FAM114A1: variants seen among roughly 807,000 people sequenced by gnomAD.
The protein encoded by FAM114A1 is protein NOXP20.
In FAM114A1, 62 loss-of-function variants were observed where a neutral mutation model predicts 64.3. That is an observed-to-expected ratio of 0.96 (90% CI 0.79 to 1.19). FAM114A1 has a LOEUF of 1.19. Ranked by LOEUF, FAM114A1 falls within the 50% of genes most tolerant of loss-of-function variation. The pLI, the probability that FAM114A1 is intolerant of heterozygous loss-of-function variation, is 0.00. For synonymous variants in FAM114A1, 254 were observed against 251.1 expected, an observed-to-expected ratio of 1.01 and a Z score of -0.11; for missense variants, 645 against 676.3, an observed-to-expected ratio of 0.95 and a Z score of 0.51.
At chr4:38,919,591 G>A (rs887388540) in intron 8 of FAM114A1, among the ~76,000 whole-genome samples, 3 of 152,160 alleles carry the variant, frequency 2.0e-5, no homozygotes, top group Non-Finnish European at 2.9e-5. Context: ...CCATTTCTTG[G>A]GCCTGGGGAC....
At chr4:38,908,927 T>G (rs1362507205) in intron 7 of FAM114A1, among the ~76,000 whole-genome samples, 1 of 152,202 alleles carries the variant, frequency 6.6e-6, no homozygotes, top group African/African-American at 2.4e-5. Context: ...TAACAGTTCC[T>G]TAAGGATTCT....
Position 38,929,115 on chromosome 4 carries a change from G to T in FAM114A1, c.1070-127G>T, listed in dbSNP as rs186105255. 9.6e-4 allele frequency: 677 copies of T among 706,316 alleles called. 8 individuals are homozygous for T. In the Admixed American group the frequency reaches 0.013, roughly 14 times the overall value. The allele number at this position is 706,316 out of a possible 1,614,324, so 43.8% of individuals were successfully genotyped here. On this transcript the variant is annotated intron_variant, in intron 9 of 14. Transcript: ENST00000358869. ...GGAAGACATTCATCTTTGCCCAGCG[G>T]CTGGCGGGCAGGCTGCTACAACCTC...
chr4:38,904,948 T>C (rs1450043066), intron 4 of FAM114A1, among the ~76,000 whole-genome samples: 1 of 152,158 alleles, frequency 6.6e-6, no homozygotes. Flanking sequence ...CCTACGTGTA[T>C]CTCATTTGCA....
chr4:38,877,997 T>G, intron 2 of FAM114A1, 74 bp from the exon 3 acceptor site: 1 of 1,316,732 alleles, frequency 7.6e-7, no homozygotes, highest in Non-Finnish European at 1.0e-6. Context: ...CCTACCAGAT[T>G]TATTTATCCA....
Position 38,904,327 on chromosome 4 carries a change from A to T in FAM114A1, c.437-1195A>T, listed in dbSNP as rs1464927979. On this transcript the variant is annotated intron_variant, in intron 4 of 14. Transcript: ENST00000358869. Reference sequence around the variant, plus strand: ...TGACAACTCAGAAAAGCTATAGCTCATCGTGAAGGCCTCAAAGGGAGGAAA... The same window carrying T: ...TGACAACTCAGAAAAGCTATAGCTCTTCGTGAAGGCCTCAAAGGGAGGAAA... Among the ~76,000 whole-genome samples the T allele has an allele frequency of 2.0e-5, 3 of 152,350 alleles. No individual in the cohort carries two copies. The East Asian group carries it at 5.8e-4, about 29-fold the overall frequency.
chr4:38,943,669 C>A lies in FAM114A1; in HGVS notation c.*112C>A. On this transcript the variant is annotated 3_prime_UTR_variant, in exon 15 of 15. Coordinates refer to ENST00000358869, the MANE Select transcript of FAM114A1 (RefSeq NM_138389.4). ...GGCCACAGACATCCATTTGAGGACACTACAAGCAATTTTGCACAGACAATA... is the reference window on the plus strand; with the variant it reads ...GGCCACAGACATCCATTTGAGGACAATACAAGCAATTTTGCACAGACAATA... The A allele has an allele frequency of 1.2e-6, 1 of 817,216 alleles. No individual in the cohort carries two copies. Among genetic ancestry groups the A allele is most frequent in the South Asian group, 1.6e-5 (1 of 62,752 alleles). The allele number at this position is 817,216 out of a possible 1,614,324, so 50.6% of individuals were successfully genotyped here. A position where few individuals can be genotyped will look rare whatever the true frequency, so the allele number is the denominator to read the frequency against.
chr4:38,901,197 G>A lies in FAM114A1; in HGVS notation c.437-4325G>A, dbSNP rs147183831. 8.8e-4 allele frequency among the ~76,000 whole-genome samples: 134 copies of A among 152,308 alleles called. 2 individuals are homozygous for A. The highest frequency in any genetic ancestry group is 3.2e-3 in the African/African-American group (133 of 41,568). ...GGGACCAATAGGAAGTAGCCATTGA[G>A]CTATCCAGTCATCCAGGGTGCTGCA... is the stretch of plus-strand genomic sequence containing the variant. On this transcript the variant is annotated intron_variant, in intron 4 of 14. Transcript: ENST00000358869.
intron 7 of FAM114A1, among the ~76,000 whole-genome samples, chr4:38,911,335 C>A (rs1249050065): frequency 1.3e-5 from 2 of 152,318 alleles, no homozygotes; most frequent in South Asian, 2.1e-4. Flanking sequence ...CCTCATCTTC[C>A]AGGAACAGGT....
intron 4 of FAM114A1, among the ~76,000 whole-genome samples, chr4:38,895,375 C>T (rs1032290876): frequency 6.6e-6 from 1 of 152,208 alleles, no homozygotes; most frequent in African/African-American, 2.4e-5. Flanking sequence ...TGCTTCAAAT[C>T]GCTACCTTCA....
intron 7 of FAM114A1, among the ~76,000 whole-genome samples, chr4:38,911,279 G>A (rs184805643): frequency 2.0e-5 from 3 of 152,368 alleles, no homozygotes; most frequent in East Asian, 3.9e-4. Context: ...AAGGCTGGGC[G>A]AAGCCATGGG....
chr4:38,885,296 GTCTC>G (rs368707132), intron 3 of FAM114A1, among the ~76,000 whole-genome samples: 7 of 149,924 alleles, frequency 4.7e-5, no homozygotes, highest in Non-Finnish European at 7.4e-5. Context: ...TAAAAAAATA[GTCTC>G]TCTCTCTCTC....
intron 4 of FAM114A1, among the ~76,000 whole-genome samples, chr4:38,894,985 G>A (rs1295690703): frequency 6.6e-6 from 1 of 152,186 alleles, no homozygotes; most frequent in Non-Finnish European, 1.5e-5. Context: ...GAGGCAGCAT[G>A]GCCCTGGGGT....
At chr4:38,893,494 A>G (rs779732920) in intron 4 of FAM114A1, among the ~76,000 whole-genome samples, 2 of 152,202 alleles carry the variant, frequency 1.3e-5, no homozygotes, top group Non-Finnish European at 1.5e-5. Context: ...ACTTTTAAAT[A>G]TAAGTTCCTG....
At chr4:38,930,141 G>A (rs970704370) in intron 10 of FAM114A1, among the ~76,000 whole-genome samples, 5 of 152,164 alleles carry the variant, frequency 3.3e-5, no homozygotes, top group African/African-American at 1.2e-4. Context: ...TCATGTCTAA[G>A]ACCATTCCAG....
chr4:38,934,625 A>G (rs1013535072), intron 12 of FAM114A1, among the ~76,000 whole-genome samples: 4 of 152,174 alleles, frequency 2.6e-5, no homozygotes, highest in Admixed American at 2.0e-4. Flanking sequence ...TACCTACATT[A>G]CTAGGTAATC....
intron 13 of FAM114A1, among the ~76,000 whole-genome samples, chr4:38,936,662 C>G (rs1054593446): frequency 6.6e-6 from 1 of 151,142 alleles, no homozygotes; most frequent in Non-Finnish European, 1.5e-5. Flanking sequence ...AAGCGATTCT[C>G]CTGCCTCAGC....
In FAM114A1 at chr4:38,944,739, C is replaced by G. The variant is rs1396773692; in HGVS notation, c.*1182C>G. ...TGCGAGGGATCTAGGTTGTGCACTC[C>G]TTATGAGAATCTAATGCCTGATGAA... On this transcript the variant is annotated 3_prime_UTR_variant, in exon 15 of 15. Coordinates refer to ENST00000358869, the MANE Select transcript of FAM114A1 (RefSeq NM_138389.4). 1.3e-5 allele frequency: 2 copies of G among 152,152 alleles called. No individual in the cohort carries two copies. The highest frequency in any genetic ancestry group is 2.9e-5 in the Non-Finnish European group (2 of 68,036). The allele number at this position is 152,152 out of a possible 1,614,324, so 9.4% of individuals were successfully genotyped here. A position where few individuals can be genotyped will look rare whatever the true frequency, so the allele number is the denominator to read the frequency against.
chr4:38,876,912 C>T (rs1714701771), intron 2 of FAM114A1, among the ~76,000 whole-genome samples: 1 of 152,196 alleles, frequency 6.6e-6, no homozygotes, highest in African/African-American at 2.4e-5. Context: ...ATCACCTTTT[C>T]CTCTTTGTAA....
chr4:38,911,030 C>T (rs1365990339), intron 7 of FAM114A1, among the ~76,000 whole-genome samples: 1 of 152,174 alleles, frequency 6.6e-6, no homozygotes, highest in East Asian at 1.9e-4. Flanking sequence ...GCTGGGAGGA[C>T]CAAGGGCAGG....
Sources: gnomAD v4.1 joint callset for allele counts (sites outside exome capture counted in the v4.1 genomes callset) on GRCh38, gnomAD v4.1.1 for gene constraint, MANE v1.5 for transcripts, NCBI Gene and HGNC (gene_info 2026-07-23, HGNC 2026-07-21) for gene names.